NDFIP2: variants seen among roughly 807,000 people sequenced by gnomAD.
The protein encoded by NDFIP2 is Nedd4 family interacting protein 2, also known as NEDD4 family-interacting protein 2.
A neutral mutation model predicts 36.0 loss-of-function variants in NDFIP2; 19 were observed. That is an observed-to-expected ratio of 0.53 (90% CI 0.37 to 0.77). The LOEUF is 0.77. Ranked by LOEUF, NDFIP2 falls within the 30% of genes least tolerant of loss-of-function variation. The pLI, the probability that NDFIP2 is intolerant of heterozygous loss-of-function variation, is 0.00. For synonymous variants in NDFIP2, 181 were observed against 167.7 expected (o/e 1.08, Z -0.61); for missense variants, 446 against 435.8 (o/e 1.02, Z -0.21).
chr13:79,492,073 T>A (rs1873243337), intron 1 of NDFIP2, among the ~76,000 whole-genome samples: 1 of 152,216 alleles, frequency 6.6e-6, no homozygotes, highest in Non-Finnish European at 1.5e-5. Flanking sequence ...GAATTACTCA[T>A]AACATTATGT....
In NDFIP2 at chr13:79,548,489, TTTC is replaced by T. The variant is rs761826537; in HGVS notation, c.907+100_907+102del. The T allele has an allele frequency of 1.1e-5, 11 of 997,390 alleles. No individual in the cohort carries two copies. In the South Asian group the frequency reaches 1.4e-4, roughly 12 times the overall value. The allele number at this position is 997,390 out of a possible 1,614,324, so 61.8% of individuals were successfully genotyped here. On this transcript the variant is annotated intron_variant, in intron 6 of 7. Transcript: ENST00000218652. ...TGTTGCAATTTATGTGGAAATTATT[TTTC>T]TTCTGTAAAATTCTCATATTCAAAC...
chr13:79,519,396 A>G (rs950763072), intron 1 of NDFIP2, among the ~76,000 whole-genome samples: 15 of 152,194 alleles, frequency 9.9e-5, no homozygotes, highest in African/African-American at 3.4e-4. Flanking sequence ...ATCACTTTTT[A>G]TCGTATTGAT....
chr13:79,541,420 A>G (rs1383138034), intron 4 of NDFIP2, among the ~76,000 whole-genome samples: 3 of 150,750 alleles, frequency 2.0e-5, no homozygotes, highest in African/African-American at 7.3e-5. Flanking sequence ...ATATATTTAT[A>G]TTTAATAGAT....
chr13:79,510,090 A>C (rs1246317650), intron 1 of NDFIP2, among the ~76,000 whole-genome samples: 1 of 152,186 alleles, frequency 6.6e-6, no homozygotes, highest in Admixed American at 6.5e-5. Context: ...GAGTCCATTC[A>C]GATGGTTGGG....
intron 3 of NDFIP2, among the ~76,000 whole-genome samples, chr13:79,539,071 T>C (rs1447687168): frequency 1.3e-5 from 2 of 151,598 alleles, no homozygotes; most frequent in African/African-American, 4.8e-5. Context: ...GGAAGACATG[T>C]AGAAACATGA....
At chr13:79,551,843 AAGTACCATGTACTTTAT>A (rs1875921055) in intron 7 of NDFIP2, among the ~76,000 whole-genome samples, 1 of 151,340 alleles carries the variant, frequency 6.6e-6, no homozygotes, top group Admixed American at 6.6e-5. Context: ...TTTTTAAAGC[AAGTACCATGTACTTTAT>A]ACCTATAAAT....
At chr13:79,487,270 C>A (rs1017080540) in intron 1 of NDFIP2, among the ~76,000 whole-genome samples, 1 of 152,098 alleles carries the variant, frequency 6.6e-6, no homozygotes, top group African/African-American at 2.4e-5. Context: ...ATTCTAGAAT[C>A]ATACAGCATG....
intron 1 of NDFIP2, among the ~76,000 whole-genome samples, chr13:79,503,882 A>G (rs1179893597): frequency 1.3e-5 from 2 of 152,154 alleles, no homozygotes; most frequent in East Asian, 3.8e-4. Context: ...GTGAATTTCA[A>G]AAGAGCCTCT....
chr13:79,486,863 A>T (rs1410060193), intron 1 of NDFIP2, among the ~76,000 whole-genome samples: 1 of 152,202 alleles, frequency 6.6e-6, no homozygotes, highest in Non-Finnish European at 1.5e-5. Flanking sequence ...AACGTGCTGT[A>T]CAGGTTTGTA....
Position 79,543,435 on chromosome 13 carries a change from A to C in NDFIP2, c.716-123A>C, listed in dbSNP as rs1172290684. On this transcript the variant is annotated intron_variant, in intron 4 of 7. Transcript: ENST00000218652. The stretch of plus-strand genomic sequence containing the variant: ...AGGCTATAGTCTATAAAGAAGGCTT[A>C]ATTGGCAGAGTTAAAAGAAAGGGAG... 6 of 1,252,944 alleles carry C rather than the reference A, an allele frequency of 4.8e-6. No individual in the cohort carries two copies. In the African/African-American group the frequency reaches 7.5e-5, roughly 16 times the overall value. The allele number at this position is 1,252,944 out of a possible 1,614,324, so 77.6% of individuals were successfully genotyped here. A position where few individuals can be genotyped will look rare whatever the true frequency, so the allele number is the denominator to read the frequency against.
chr13:79,527,628 C>T (rs1404708932), intron 2 of NDFIP2, among the ~76,000 whole-genome samples: 13 of 151,986 alleles, frequency 8.6e-5, no homozygotes, highest in Admixed American at 5.9e-4. Flanking sequence ...AATACTCTGT[C>T]GGTTGTGTAC....
At chr13:79,538,551 C>T (rs758737967) in intron 3 of NDFIP2, among the ~76,000 whole-genome samples, 32 of 152,210 alleles carry the variant, frequency 2.1e-4, no homozygotes, top group Non-Finnish European at 3.7e-4. Flanking sequence ...CATGGAAGAC[C>T]GAAACCAAGC....
chr13:79,540,539 A>G (rs1415513946), intron 4 of NDFIP2, among the ~76,000 whole-genome samples: 3 of 152,240 alleles, frequency 2.0e-5, no homozygotes, highest in Non-Finnish European at 4.4e-5. Context: ...ATCTGGTTAA[A>G]TGATCAAGCT....
intron 2 of NDFIP2, among the ~76,000 whole-genome samples, chr13:79,521,894 G>A (rs557060229): frequency 2.8e-5 from 4 of 145,302 alleles, no homozygotes; most frequent in African/African-American, 1.0e-4. Flanking sequence ...GCCCAATCTC[G>A]GCTCACTGCA....
At chr13:79,493,866 G>A (rs1873338516) in intron 1 of NDFIP2, among the ~76,000 whole-genome samples, 1 of 151,916 alleles carries the variant, frequency 6.6e-6, no homozygotes, top group African/African-American at 2.4e-5. Context: ...TAGCTTGTAG[G>A]TGTTTTCTTT....
At chr13:79,529,153 T>A (rs796271059) in intron 2 of NDFIP2, among the ~76,000 whole-genome samples, 5 of 152,316 alleles carry the variant, frequency 3.3e-5, no homozygotes, top group African/African-American at 1.2e-4. Flanking sequence ...TTTAAGTGAT[T>A]AGCTTGAGGT....
intron 1 of NDFIP2, among the ~76,000 whole-genome samples, chr13:79,493,901 A>G (rs1309568297): frequency 6.6e-6 from 1 of 152,080 alleles, no homozygotes; most frequent in Non-Finnish European, 1.5e-5. Flanking sequence ...AAAAAATCAA[A>G]TAGTACATGT....
intron 4 of NDFIP2, among the ~76,000 whole-genome samples, chr13:79,540,006 A>T (rs1397246351): frequency 6.6e-6 from 1 of 152,248 alleles, no homozygotes; most frequent in African/African-American, 2.4e-5. Context: ...CATTATGAAG[A>T]TGCTGACATG....
intron 1 of NDFIP2, among the ~76,000 whole-genome samples, chr13:79,498,971 A>C (rs1873552944): frequency 6.6e-6 from 1 of 152,024 alleles, no homozygotes; most frequent in African/African-American, 2.4e-5. Flanking sequence ...TCTACAGACC[A>C]ATAGTTCTTA....
Sources: allele counts gnomAD v4.1 joint callset (sites outside exome capture counted in the v4.1 genomes callset), GRCh38; gene constraint gnomAD v4.1.1; transcripts MANE v1.5; gene names NCBI Gene and HGNC (gene_info 2026-07-23, HGNC 2026-07-21).